CDK19: variants seen among roughly 807,000 people sequenced by gnomAD.
CDK19 encodes the protein cyclin dependent kinase 19, also known as cyclin-dependent kinase 19.
A neutral mutation model predicts 68.3 loss-of-function variants in CDK19; 20 were observed. The ratio of observed to expected loss-of-function variants is 0.29; its 90% CI spans 0.21 to 0.43. The LOEUF (loss-of-function observed/expected upper bound fraction) is 0.43. CDK19 is among the 20% of genes least tolerant of loss of function. The pLI is 1.00. For synonymous variants in CDK19, 221 were observed against 222.8 expected (o/e 0.99, Z 0.07); for missense variants, 339 against 623.5 (o/e 0.54, Z 4.86).
chr6:110,681,681 C>T (rs1772029958), intron 2 of CDK19, among the ~76,000 whole-genome samples: 1 of 152,194 alleles, frequency 6.6e-6, no homozygotes. Context: ...TCTTGTCTAA[C>T]AAATGTTTGT....
At chr6:110,764,185 T>TTA (rs1779417840) in intron 1 of CDK19, among the ~76,000 whole-genome samples, 1 of 152,200 alleles carries the variant, frequency 6.6e-6, no homozygotes, top group Non-Finnish European at 1.5e-5. Context: ...TCTTTCTAAC[T>TTA]TAATCTATAG....
chr6:110,634,514 G>A (rs1159787694), intron 5 of CDK19, among the ~76,000 whole-genome samples: 14 of 152,194 alleles, frequency 9.2e-5, no homozygotes, highest in Non-Finnish European at 1.9e-4. Context: ...CACTGAGCCC[G>A]GCCTGTAGTG....
chr6:110,794,275 G>C (rs1781785139), intron 1 of CDK19, among the ~76,000 whole-genome samples: 2 of 152,054 alleles, frequency 1.3e-5, no homozygotes, highest in Middle Eastern at 3.4e-3. Flanking sequence ...TCGAACTCCT[G>C]ACCTCAGGTG....
At chr6:110,677,197 T>C (rs1022863717) in intron 2 of CDK19, among the ~76,000 whole-genome samples, 1 of 152,172 alleles carries the variant, frequency 6.6e-6, no homozygotes, top group Non-Finnish European at 1.5e-5. Context: ...TCTGTCACTA[T>C]GAACAGGTCT....
At chr6:110,719,118 T>C (rs1244106977) in intron 2 of CDK19, among the ~76,000 whole-genome samples, 1 of 152,040 alleles carries the variant, frequency 6.6e-6, no homozygotes, top group Non-Finnish European at 1.5e-5. Flanking sequence ...TAAGAAAAAT[T>C]CAATTAATGT....
chr6:110,737,103 C>CA (rs1777301066), intron 2 of CDK19, among the ~76,000 whole-genome samples: 1 of 152,220 alleles, frequency 6.6e-6, no homozygotes, highest in Non-Finnish European at 1.5e-5. Flanking sequence ...GCAGCTACCA[C>CA]AAGAGCCTAA....
In CDK19 at chr6:110,614,448, G is replaced by A. The variant is rs1778180397; in HGVS notation, c.*87C>T. 6 of 1,323,042 alleles carry A rather than the reference G, an allele frequency of 4.5e-6. No homozygotes were observed. Among genetic ancestry groups the A allele is most frequent in the Non-Finnish European group, 5.3e-6 (5 of 946,410 alleles). The allele number at this position is 1,323,042 out of a possible 1,614,324, so 82.0% of individuals were successfully genotyped here. Reference sequence around the variant, plus strand: ...TGTATGAGTTTTAAATGGCATCATAGTTTGCATTTTTTTGGTTCTTTTCAA... The same window carrying A: ...TGTATGAGTTTTAAATGGCATCATAATTTGCATTTTTTTGGTTCTTTTCAA... On this transcript the variant is annotated 3_prime_UTR_variant, in exon 13 of 13. Coordinates refer to ENST00000368911, the MANE Select transcript of CDK19 (RefSeq NM_015076.5).
intron 2 of CDK19, among the ~76,000 whole-genome samples, chr6:110,694,882 C>A (rs1003378737): frequency 2.0e-5 from 3 of 152,094 alleles, no homozygotes; most frequent in African/African-American, 7.2e-5. Flanking sequence ...TTTGGGAGGC[C>A]AAGGCAGGCA....
intron 2 of CDK19, among the ~76,000 whole-genome samples, chr6:110,739,277 G>A (rs527654069): frequency 6.6e-6 from 1 of 152,266 alleles, no homozygotes; most frequent in South Asian, 2.1e-4. Context: ...CCTTATGTAA[G>A]AGAGCCGAGA....
At chr6:110,787,934 G>A (rs1342964820) in intron 1 of CDK19, among the ~76,000 whole-genome samples, 1 of 151,196 alleles carries the variant, frequency 6.6e-6, no homozygotes, top group Non-Finnish European at 1.5e-5. Flanking sequence ...CTGCCTCCCG[G>A]GTTCAAATGA....
chr6:110,667,781 T>C (rs1037066589), intron 3 of CDK19, among the ~76,000 whole-genome samples: 1 of 152,230 alleles, frequency 6.6e-6, no homozygotes, highest in Non-Finnish European at 1.5e-5. Flanking sequence ...GGGGTTATAA[T>C]GACTAAATTT....
intron 1 of CDK19, among the ~76,000 whole-genome samples, chr6:110,803,993 A>T (rs1039207330): frequency 2.0e-5 from 3 of 152,162 alleles, no homozygotes; most frequent in African/African-American, 7.2e-5. Context: ...AAAGAAAGAA[A>T]TACAGAACGA....
intron 3 of CDK19, among the ~76,000 whole-genome samples, chr6:110,668,517 A>G (rs1294745755): frequency 1.3e-5 from 2 of 152,156 alleles, no homozygotes; most frequent in African/African-American, 4.8e-5. Flanking sequence ...CACATGTATA[A>G]CTTTCCACTT....
chr6:110,790,273 C>T (rs545059547), intron 1 of CDK19, among the ~76,000 whole-genome samples: 49 of 152,272 alleles, frequency 3.2e-4, no homozygotes, highest in African/African-American at 9.1e-4. Flanking sequence ...TGGTGGCTCA[C>T]GCCTGTAATC....
chr6:110,770,407 C>A (rs1371627687), intron 1 of CDK19, among the ~76,000 whole-genome samples: 2 of 152,146 alleles, frequency 1.3e-5, no homozygotes, highest in African/African-American at 4.8e-5. Flanking sequence ...GAGAAGGATG[C>A]AAAAGCAGAA....
At chr6:110,722,185 A>G (rs1444879034) in intron 2 of CDK19, 2 of 152,196 alleles carry the variant, frequency 1.3e-5, no homozygotes, top group African/African-American at 4.8e-5. Flanking sequence ...CATAATCTAA[A>G]TGGATATGCT....
At chr6:110,650,055 A>T (rs1444844006) in intron 4 of CDK19, among the ~76,000 whole-genome samples, 1 of 152,238 alleles carries the variant, frequency 6.6e-6, no homozygotes, top group Non-Finnish European at 1.5e-5. Context: ...GCAATAAAAA[A>T]ATCACTGAAT....
At chr6:110,673,545 A>AT (rs1771197339) in intron 2 of CDK19, among the ~76,000 whole-genome samples, 1 of 152,070 alleles carries the variant, frequency 6.6e-6, no homozygotes, top group Non-Finnish European at 1.5e-5. Context: ...TGTAAAAAAA[A>AT]AAAAACTTTT....
Position 110,610,986 on chromosome 6 carries a change from T to C in CDK19, c.*3549A>G, listed in dbSNP as rs1485219667. 1 of 152,220 alleles carries C rather than the reference T, an allele frequency of 6.6e-6. No individual in the cohort carries two copies. Among genetic ancestry groups the C allele is most frequent in the Non-Finnish European group, 1.5e-5 (1 of 68,042 alleles). 9.4% of individuals were successfully genotyped at this position (152,220 alleles called of 1,614,324 possible). ...CCTTTCCATTCTTAAGAGTCCATTATGTTCGTAAGAGCAAAAGAGTAGTGC... is the reference window on the plus strand; with the variant it reads ...CCTTTCCATTCTTAAGAGTCCATTACGTTCGTAAGAGCAAAAGAGTAGTGC... On this transcript the variant is annotated 3_prime_UTR_variant, in exon 13 of 13. Coordinates refer to ENST00000368911, the MANE Select transcript of CDK19 (RefSeq NM_015076.5).
Sources: allele counts gnomAD v4.1 joint callset (sites outside exome capture counted in the v4.1 genomes callset), GRCh38; gene constraint gnomAD v4.1.1; transcripts MANE v1.5; gene names NCBI Gene and HGNC (gene_info 2026-07-23, HGNC 2026-07-21).